The following OPRM1 variants were observed in gnomAD, a reference collection of about 807,000 sequenced individuals.
The protein encoded by OPRM1 is opioid receptor mu 1.
In OPRM1, 27 loss-of-function variants were observed where a neutral mutation model predicts 31.8. That is an observed-to-expected ratio of 0.85 (90% CI 0.63 to 1.17). The LOEUF (loss-of-function observed/expected upper bound fraction) is 1.17. Ranked by LOEUF, OPRM1 falls within the 50% of genes most tolerant of loss-of-function variation. The pLI is 0.00. For missense variants in OPRM1, 536 were observed against 511.1 expected (o/e 1.05, Z -0.47); for synonymous variants, 196 against 189.9 (o/e 1.03, Z -0.26).
Position 154,090,114 on chromosome 6 carries a change from C to A in OPRM1, c.579C>A (p.Asn193Lys), listed in dbSNP as rs1185829859. The A allele has an allele frequency of 6.2e-7, 1 of 1,614,106 alleles. No individual in the cohort carries two copies. ...PRNAKIINVC[N>K]WILSSAIGLP... The stretch of plus-strand genomic sequence containing the variant: ...ATGCCAAAATTATCAATGTCTGCAA[C>A]TGGATCCTCTCTTCAGCCATTGGTC... Residue 193 changes from asparagine (N) to lysine (K), a missense_variant, in exon 2 of 4, where the codon AAC becomes AAA. Physicochemically the swap from Asn to Lys is moderately conservative, Grantham distance 94. Coordinates refer to ENST00000330432, the MANE Select transcript of OPRM1 (RefSeq NM_000914.5).
In OPRM1 at chr6:154,138,866, A is replaced by G. The variant is rs138422188; in HGVS notation, c.1164+47394A>G. On this transcript the variant is annotated intron_variant, in intron 3 of 3. Transcript: ENST00000337049. ...CCCTCCCTAAACTGCTCCTAAGATC[A>G]ATGCTTGAGATGTTTTGCAGACTCT... is the stretch of plus-strand genomic sequence containing the variant. 7.2e-3 allele frequency among the ~76,000 whole-genome samples: 1,092 copies of G among 152,324 alleles called. 21 individuals are homozygous for G. Among genetic ancestry groups the G allele is most frequent in the African/African-American group, 0.024 (1,009 of 41,572 alleles).
intron 3 of OPRM1, among the ~76,000 whole-genome samples, chr6:154,117,858 G>GGTGTGTGTGTGT (rs60794328): frequency 0.25 from 36,738 of 145,384 alleles, 5,402 homozygotes; most frequent in Admixed American, 0.41. Context: ...TTAAAAAGAT[G>GGTGTGTGTGTGT]GTGTGTGTGT....
At chr6:154,151,009 T>C (rs1475287397) in intron 3 of OPRM1, among the ~76,000 whole-genome samples, 2 of 152,204 alleles carry the variant, frequency 1.3e-5, no homozygotes, top group Non-Finnish European at 2.9e-5. Context: ...CCAGAGACAC[T>C]GCCCCAGCTG....
chr6:154,108,025 A>G, intron 3 of OPRM1: 2 of 658,648 alleles, frequency 3.0e-6, no homozygotes, highest in Admixed American at 4.4e-5. Flanking sequence ...GAGAGAAAGA[A>G]GACAGAAATC....
At chr6:154,201,318 C>T (rs1446021806) in intron 3 of OPRM1, among the ~76,000 whole-genome samples, 1 of 152,164 alleles carries the variant, frequency 6.6e-6, no homozygotes, top group Admixed American at 6.5e-5. Context: ...GAAATACATG[C>T]CTTCTTTTTA....
chr6:154,060,749 G>C (rs1029171390), intron 1 of OPRM1, among the ~76,000 whole-genome samples: 2 of 151,980 alleles, frequency 1.3e-5, no homozygotes, highest in African/African-American at 4.8e-5. Flanking sequence ...AGAACAATAG[G>C]GGCAGAATGC....
At chr6:154,032,682 C>A (rs1244559675) in intron 1 of OPRM1, among the ~76,000 whole-genome samples, 1 of 152,336 alleles carries the variant, frequency 6.6e-6, no homozygotes, top group Non-Finnish European at 1.5e-5. Context: ...AATCCTCCCA[C>A]CTCTGACTCT....
intron 1 of OPRM1, 38 bp downstream of exon 1, chr6:154,039,872 C>A (rs1245461926): frequency 6.5e-7 from 1 of 1,535,344 alleles, no homozygotes; most frequent in Admixed American, 1.8e-5. Flanking sequence ...GAGGGTTCAG[C>A]GGCTTAAGGG....
At chr6:154,193,193 A>T (rs1802088061) in intron 3 of OPRM1, among the ~76,000 whole-genome samples, 1 of 152,226 alleles carries the variant, frequency 6.6e-6, no homozygotes, top group African/African-American at 2.4e-5. Flanking sequence ...AGCCATAAAA[A>T]GGAACGAAAT....
intron 1 of OPRM1, among the ~76,000 whole-genome samples, chr6:154,013,691 C>T (rs1777850215): frequency 6.6e-6 from 1 of 152,078 alleles, no homozygotes; most frequent in Non-Finnish European, 1.5e-5. Flanking sequence ...TGAGATCTGT[C>T]AACTATGCTG....
intron 3 of OPRM1, among the ~76,000 whole-genome samples, chr6:154,195,984 G>T (rs9384187): frequency 0.049 from 7,450 of 151,830 alleles, 299 homozygotes; most frequent in South Asian, 0.19. Flanking sequence ...TAGAGACAGG[G>T]TTTTACTATG....
At chr6:154,044,381 A>C (rs1345080039) in intron 1 of OPRM1, among the ~76,000 whole-genome samples, 1 of 152,164 alleles carries the variant, frequency 6.6e-6, no homozygotes, top group Non-Finnish European at 1.5e-5. Context: ...TTAAACACAT[A>C]ATTTCCCTAA....
At chr6:154,040,268 G>A (rs954934323) in intron 1 of OPRM1, among the ~76,000 whole-genome samples, 1 of 151,094 alleles carries the variant, frequency 6.6e-6, no homozygotes, top group African/African-American at 2.4e-5. Flanking sequence ...GGTTGGGGCC[G>A]GTGTGTGTGT....
chr6:154,056,108 T>C (rs1583269070), intron 1 of OPRM1, among the ~76,000 whole-genome samples: 2 of 151,562 alleles, frequency 1.3e-5, no homozygotes, highest in South Asian at 4.2e-4. Context: ...TCTTTTCTTT[T>C]CTTTTCTTTT....
At chr6:154,241,910 G>C (rs1780627114) in intron 3 of OPRM1, among the ~76,000 whole-genome samples, 1 of 152,114 alleles carries the variant, frequency 6.6e-6, no homozygotes, top group Non-Finnish European at 1.5e-5. Flanking sequence ...ACCTCTAAAT[G>C]GAGAAGCTAT....
chr6:154,188,717 C>T (rs1448234845), intron 3 of OPRM1, among the ~76,000 whole-genome samples: 3 of 152,070 alleles, frequency 2.0e-5, no homozygotes, highest in East Asian at 1.9e-4. Flanking sequence ...CACCAGCACT[C>T]GATTCATGAG....
At chr6:154,159,592 A>C in intron 3 of OPRM1, 1 of 522,926 alleles carries the variant, frequency 1.9e-6, no homozygotes. Context: ...GTAGGAACAC[A>C]AAAAACGCCT....
At chr6:154,052,085 C>G (rs764924009) in intron 1 of OPRM1, among the ~76,000 whole-genome samples, 5 of 152,128 alleles carry the variant, frequency 3.3e-5, no homozygotes, top group Non-Finnish European at 7.3e-5. Context: ...GAACAGAAAA[C>G]CAAACACTGC....
At chr6:154,077,168 A>T (rs1285407653) in intron 1 of OPRM1, among the ~76,000 whole-genome samples, 1 of 152,138 alleles carries the variant, frequency 6.6e-6, no homozygotes, top group Non-Finnish European at 1.5e-5. Context: ...TTTCTCAGGG[A>T]CATTGCACAT....
Sources: allele counts gnomAD v4.1 joint callset (sites outside exome capture counted in the v4.1 genomes callset), GRCh38; gene constraint gnomAD v4.1.1; transcripts MANE v1.5; gene names NCBI Gene and HGNC (gene_info 2026-07-23, HGNC 2026-07-21).